TSNARE1: variants seen among roughly 807,000 people sequenced by gnomAD.
TSNARE1 encodes the protein t-SNARE domain-containing protein 1.
TSNARE1 carries 49 observed loss-of-function variants against 62.0 expected under a neutral mutation model. The observed-to-expected ratio is 0.79, with a 90% CI of 0.63 to 1.00. The LOEUF (loss-of-function observed/expected upper bound fraction) is 1.00. Among genes scored for constraint, TSNARE1 ranks in the 50% least tolerant of loss-of-function variants. The pLI is 0.00. For missense variants in TSNARE1, 755 were observed against 700.1 expected, an observed-to-expected ratio of 1.08 and a Z score of -0.88; for synonymous variants, 328 against 294.4, an observed-to-expected ratio of 1.11 and a Z score of -1.17.
chr8:142,390,168 C>T (rs778390456), intron 1 of TSNARE1, among the ~76,000 whole-genome samples: 57 of 152,252 alleles, frequency 3.7e-4, no homozygotes, highest in Admixed American at 1.3e-3. Flanking sequence ...TAGAAGTTGC[C>T]TGCGTGCGTC....
intron 4 of TSNARE1, 118 bp downstream of exon 4, chr8:142,343,848 G>C: frequency 1.2e-6 from 1 of 847,078 alleles, no homozygotes; most frequent in Non-Finnish European, 1.7e-6. Flanking sequence ...AGGGGAGGAA[G>C]AGGAGGAGGA....
intron 11 of TSNARE1, among the ~76,000 whole-genome samples, chr8:142,281,648 G>A (rs1339439956): frequency 1.3e-5 from 2 of 152,074 alleles, no homozygotes; most frequent in Non-Finnish European, 2.9e-5. Context: ...AGAGCTTTTA[G>A]ACCTCATGGT....
At chr8:142,397,852 C>A (rs1587159984) in intron 1 of TSNARE1, among the ~76,000 whole-genome samples, 1 of 152,186 alleles carries the variant, frequency 6.6e-6, no homozygotes, top group East Asian at 1.9e-4. Context: ...GCACACAGTG[C>A]CAAGGCATGG....
At chr8:142,314,905 C>T in intron 8 of TSNARE1, 98 bp downstream of exon 8, 1 of 1,177,138 alleles carries the variant, frequency 8.5e-7, no homozygotes, top group Admixed American at 1.8e-5. Context: ...TGGGGCTGCA[C>T]CAGGCCCACA....
chr8:142,255,932 T>C lies in TSNARE1; in HGVS notation c.1446+18849A>G, dbSNP rs796395124. Among the ~76,000 whole-genome samples the C allele has an allele frequency of 9.9e-3, 74 of 7,452 alleles. 1 individual carries two copies. Among genetic ancestry groups the C allele is most frequent in the Non-Finnish European group, 0.01 (30 of 2,872 alleles). 4.9% of individuals were successfully genotyped at this position (7,452 alleles called of 152,430 possible). A position where few individuals can be genotyped will look rare whatever the true frequency, so the allele number is the denominator to read the frequency against. On this transcript the variant is annotated intron_variant, in intron 12 of 13. Transcript: ENST00000524325. ...ATCACCACCACCATCACCATCACCA[T>C]CACCATCACCACCATCATCACCATC...
At chr8:142,299,417 G>A (rs772462446) in intron 10 of TSNARE1, among the ~76,000 whole-genome samples, 3 of 152,216 alleles carry the variant, frequency 2.0e-5, no homozygotes, top group Non-Finnish European at 4.4e-5. Context: ...CCCAGCCTCT[G>A]GGAGCTTCAG....
At chr8:142,248,829 G>T (rs918786683) in intron 12 of TSNARE1, among the ~76,000 whole-genome samples, 8 of 152,232 alleles carry the variant, frequency 5.3e-5, no homozygotes, top group African/African-American at 1.9e-4. Context: ...TGTATCACTC[G>T]GTTGCAGGCT....
At chr8:142,293,308 G>A (rs1293582367) in intron 10 of TSNARE1, among the ~76,000 whole-genome samples, 8 of 152,214 alleles carry the variant, frequency 5.3e-5, no homozygotes, top group Non-Finnish European at 1.0e-4. Flanking sequence ...GGGCCGGGAC[G>A]CTTGAAGGAG....
intron 11 of TSNARE1, chr8:142,276,874 C>G: frequency 3.0e-6 from 3 of 985,456 alleles, no homozygotes; most frequent in Non-Finnish European, 3.6e-6. Context: ...ACACCTCACA[C>G]AACCACTGCC....
intron 1 of TSNARE1, among the ~76,000 whole-genome samples, chr8:142,369,591 G>A (rs1390441346): frequency 6.6e-6 from 1 of 152,174 alleles, no homozygotes; most frequent in Non-Finnish European, 1.5e-5. Context: ...CAGTAGAAAA[G>A]ATGGACAAAA....
intron 11 of TSNARE1, among the ~76,000 whole-genome samples, chr8:142,282,188 T>C (rs1821609281): frequency 6.6e-6 from 1 of 152,196 alleles, no homozygotes; most frequent in Non-Finnish European, 1.5e-5. Context: ...TGGCCAGGCC[T>C]GCACGTTCCC....
chr8:142,385,835 A>G (rs1301542397), intron 1 of TSNARE1, among the ~76,000 whole-genome samples: 1 of 152,122 alleles, frequency 6.6e-6, no homozygotes, highest in African/African-American at 2.4e-5. Flanking sequence ...AAACAGACAA[A>G]TTTGCTCTTT....
At chr8:142,239,358 T>C (rs1169194148) in intron 12 of TSNARE1, among the ~76,000 whole-genome samples, 1 of 152,006 alleles carries the variant, frequency 6.6e-6, no homozygotes, top group East Asian at 1.9e-4. Flanking sequence ...CTGGAGAGTG[T>C]GAACTAAAAA....
intron 4 of TSNARE1, among the ~76,000 whole-genome samples, chr8:142,342,019 G>T (rs1233881975): frequency 1.3e-5 from 2 of 152,208 alleles, no homozygotes; most frequent in Non-Finnish European, 2.9e-5. Flanking sequence ...CCCCACTGCT[G>T]GGGCGACTGA....
rs1021538074 is a variant in TSNARE1, at chr8:142,216,307, G to A, written c.*12-3994C>T. Among the ~76,000 whole-genome samples, 6 of 152,162 alleles carry A rather than the reference G, an allele frequency of 3.9e-5. No homozygotes were observed. The East Asian group carries it at 1.2e-3, about 29-fold the overall frequency. The stretch of plus-strand genomic sequence containing the variant: ...TTTGGATTGGAACAGATGGGCGGAC[G>A]CTGGTGCAGTGCAGAGAGGCAGGGG... On this transcript the variant is annotated intron_variant, in intron 13 of 13. Transcript: ENST00000524325.
At chr8:142,237,628 C>T (rs1011317344) in intron 12 of TSNARE1, among the ~76,000 whole-genome samples, 1 of 152,186 alleles carries the variant, frequency 6.6e-6, no homozygotes, top group Non-Finnish European at 1.5e-5. Context: ...GGTCCGTGGC[C>T]GCATGCTGTG....
At chr8:142,290,504 G>A (rs1029795361) in intron 10 of TSNARE1, among the ~76,000 whole-genome samples, 2 of 152,244 alleles carry the variant, frequency 1.3e-5, no homozygotes, top group African/African-American at 4.8e-5. Context: ...CTTGGTGTGT[G>A]TGTGCCTGTG....
intron 12 of TSNARE1, among the ~76,000 whole-genome samples, chr8:142,257,095 GAC>G (rs1162840653): frequency 1.3e-5 from 2 of 152,166 alleles, no homozygotes; most frequent in African/African-American, 2.4e-5. Flanking sequence ...AATCACCATA[GAC>G]ACAGACACCC....
intron 12 of TSNARE1, chr8:142,273,471 A>G (rs1221347875): frequency 1.2e-5 from 12 of 985,294 alleles, no homozygotes; most frequent in African/African-American, 1.7e-5. Flanking sequence ...GGCTGAGGCC[A>G]AACAGCCCAG....
Sources: gnomAD v4.1 joint callset for allele counts (sites outside exome capture counted in the v4.1 genomes callset) on GRCh38, gnomAD v4.1.1 for gene constraint, MANE v1.5 for transcripts, NCBI Gene and HGNC (gene_info 2026-07-23, HGNC 2026-07-21) for gene names.